Variants in TG observed in about 807,000 individuals in gnomAD.
TG encodes the protein thyroglobulin.
Under a neutral mutation model 324.7 loss-of-function variants are expected in TG, and 270 were observed. The observed-to-expected ratio is 0.83, with a 90% CI of 0.75 to 0.92. The LOEUF (loss-of-function observed/expected upper bound fraction) is 0.92. Among genes scored for constraint, TG ranks in the 40% least tolerant of loss-of-function variants. The pLI is 0.00. For synonymous variants in TG, 1,401 were observed against 1,327.0 expected (o/e 1.06, Z -1.21); for missense variants, 3,591 against 3,456.4 (o/e 1.04, Z -0.98).
In TG at chr8:132,906,674, T is replaced by A; in HGVS notation, c.3635-14T>A. ...GGGCAGGTGCCCACCACGGCTCCAC[T>A]TTCCTTCTCCCAGGCCCGCGGTGTC... is the stretch of plus-strand genomic sequence containing the variant. On this transcript the variant is annotated splice_polypyrimidine_tract_variant and intron_variant, in intron 16 of 47. Coordinates refer to ENST00000220616, the MANE Select transcript of TG (RefSeq NM_003235.5). The A allele has an allele frequency of 1.9e-6, 3 of 1,613,604 alleles. No individual in the cohort carries two copies. Among genetic ancestry groups the A allele is most frequent in the Non-Finnish European group, 2.5e-6 (3 of 1,179,976 alleles).
intron 30 of TG, 55 bp from the exon 31 acceptor site, chr8:132,967,739 A>G (rs1247667602): frequency 6.3e-7 from 1 of 1,595,636 alleles, no homozygotes; most frequent in Non-Finnish European, 8.6e-7. Context: ...TGTAGAGATT[A>G]TTCTCCCCTG....
chr8:132,881,871 A>G lies in TG; in HGVS notation c.647A>G (p.Asp216Gly), dbSNP rs1438991997. ...DLVHSYNRFP[D>G]AFVTFSSFQR... ...ATCTCATTCTCTCCAAGGTTTCCAG[A>G]TGCATTTGTGACCTTCAGTTCCTTC... The change falls in exon 6 of 48, where the codon GAT becomes GGT. Residue 216 changes from aspartate (D) to glycine (G), a missense_variant. Coordinates refer to ENST00000220616, the MANE Select transcript of TG (RefSeq NM_003235.5). The G allele has an allele frequency of 1.2e-6, 2 of 1,611,650 alleles. No homozygotes were observed. The highest frequency in any genetic ancestry group is 1.3e-5 in the African/African-American group (1 of 74,894).
At chr8:133,130,909 A>G (rs1028745688) in intron 45 of TG, among the ~76,000 whole-genome samples, 2 of 152,042 alleles carry the variant, frequency 1.3e-5, no homozygotes, top group African/African-American at 4.8e-5. Flanking sequence ...AGTCGGCCAG[A>G]CATCACTGGA....
chr8:133,065,078 A>G (rs900942103), intron 41 of TG, among the ~76,000 whole-genome samples: 8 of 152,006 alleles, frequency 5.3e-5, no homozygotes, highest in Non-Finnish European at 7.3e-5. Context: ...GCCCATTCAT[A>G]TAACCTTCTT....
intron 35 of TG, among the ~76,000 whole-genome samples, chr8:132,989,651 A>G (rs1212821457): frequency 1.3e-5 from 2 of 152,216 alleles, no homozygotes; most frequent in African/African-American, 4.8e-5. Flanking sequence ...CCACACAATG[A>G]AAAGGAATCA....
At chr8:132,912,817 C>A (rs1324170750) in intron 19 of TG, among the ~76,000 whole-genome samples, 3 of 152,176 alleles carry the variant, frequency 2.0e-5, no homozygotes, top group African/African-American at 7.2e-5. Context: ...ATGGCAAGAG[C>A]CAGGAAATCT....
At chr8:133,036,340 A>G (rs114866671) in intron 41 of TG, among the ~76,000 whole-genome samples, 2,668 of 152,300 alleles carry the variant, frequency 0.018, 88 homozygotes, top group African/African-American at 0.061. Flanking sequence ...TTTCATTGCT[A>G]TAGCCCCAGT....
Position 132,894,019 on chromosome 8 carries a change from T to C in TG, c.3001+90T>C, listed in dbSNP as rs539154179. 7.6e-5 allele frequency: 121 copies of C among 1,602,586 alleles called. 3 individuals are homozygous for C. In the South Asian group the frequency reaches 1.2e-3, roughly 17 times the overall value. ...CTCTCCTCAGTCATCCTTAGGACTTTGTGGTTTGGCTTCCCCAGACTGATG... is the reference window on the plus strand; with the variant it reads ...CTCTCCTCAGTCATCCTTAGGACTTCGTGGTTTGGCTTCCCCAGACTGATG... On this transcript the variant is annotated intron_variant, in intron 11 of 47. Transcript: ENST00000220616.
chr8:133,094,397 C>T (rs150463358), intron 41 of TG, among the ~76,000 whole-genome samples: 2,912 of 151,960 alleles, frequency 0.019, 39 homozygotes, highest in South Asian at 0.04. Flanking sequence ...CCCGTCACCA[C>T]GCCTGGCTAG....
chr8:133,096,741 G>C (rs1005414739), intron 43 of TG, among the ~76,000 whole-genome samples: 4 of 152,182 alleles, frequency 2.6e-5, no homozygotes, highest in East Asian at 1.9e-4. Context: ...GGGAGATGAA[G>C]GGACTCTTGT....
intron 34 of TG, among the ~76,000 whole-genome samples, chr8:132,973,192 C>T (rs1334659423): frequency 6.6e-6 from 1 of 152,168 alleles, no homozygotes; most frequent in Non-Finnish European, 1.5e-5. Context: ...GGGTGTTCCT[C>T]AAACAGTAGT....
intron 41 of TG, among the ~76,000 whole-genome samples, chr8:133,093,787 G>T (rs1847961544): frequency 1.3e-5 from 2 of 152,158 alleles, no homozygotes; most frequent in Non-Finnish European, 2.9e-5. Flanking sequence ...ACTTCACAGT[G>T]GCTCAGTGTT....
intron 12 of TG, 99 bp downstream of exon 12, chr8:132,897,885 G>T: frequency 1.4e-6 from 2 of 1,437,348 alleles, no homozygotes; most frequent in Non-Finnish European, 1.9e-6. Context: ...TGGACTCTTA[G>T]GCTCCTCTTT....
At chr8:133,037,801 T>A (rs186452814) in intron 41 of TG, 1 of 152,370 alleles carries the variant, frequency 6.6e-6, no homozygotes, top group Non-Finnish European at 1.5e-5. Flanking sequence ...TCAGGGAAGC[T>A]GGTGCAGTTC....
intron 37 of TG, among the ~76,000 whole-genome samples, chr8:133,017,431 C>T (rs1471026073): frequency 6.6e-6 from 1 of 152,054 alleles, no homozygotes; most frequent in East Asian, 1.9e-4. Context: ...CCAGACCTCC[C>T]CAGGGGATTG....
chr8:132,933,443 T>A (rs1310447531), intron 23 of TG, 118 bp from the exon 24 acceptor site: 6 of 614,852 alleles, frequency 9.8e-6, no homozygotes, highest in South Asian at 9.2e-5. Context: ...TTTGTGTGTG[T>A]GTGTGTGTGT....
intron 44 of TG, among the ~76,000 whole-genome samples, chr8:133,115,782 G>A (rs1850631420): frequency 6.6e-6 from 1 of 152,244 alleles, no homozygotes; most frequent in African/African-American, 2.4e-5. Flanking sequence ...CCTGGCTGGG[G>A]CCGCCTCTCT....
At chr8:132,893,416 G>A (rs1311388203) in intron 10 of TG, among the ~76,000 whole-genome samples, 3 of 130,790 alleles carry the variant, frequency 2.3e-5, no homozygotes, top group Admixed American at 7.7e-5. Context: ...GTGTGGTGTG[G>A]TGTGTGTATG....
At chr8:132,929,303 A>G (rs569210095) in intron 23 of TG, 111 bp downstream of exon 23, 19 of 831,764 alleles carry the variant, frequency 2.3e-5, no homozygotes, top group African/African-American at 1.5e-4. Context: ...TTAAAAACAT[A>G]CTTTATCAAA....
Sources: allele counts gnomAD v4.1 joint callset (sites outside exome capture counted in the v4.1 genomes callset), GRCh38; gene constraint gnomAD v4.1.1; transcripts MANE v1.5; gene names NCBI Gene and HGNC (gene_info 2026-07-23, HGNC 2026-07-21).